The following ADD2 variants were observed in gnomAD, a reference collection of about 807,000 sequenced individuals.
ADD2 encodes adducin 2, also known as beta-adducin.
ADD2 carries 23 observed loss-of-function variants against 83.0 expected under a neutral mutation model. That is an observed-to-expected ratio of 0.28 (90% CI 0.20 to 0.39). The LOEUF is 0.39. Ranked by LOEUF, ADD2 falls within the 10% of genes least tolerant of loss-of-function variation. The pLI, the probability that ADD2 is intolerant of heterozygous loss-of-function variation, is 1.00. For synonymous variants in ADD2, 375 were observed against 375.4 expected, an observed-to-expected ratio of 1.00 and a Z score of 0.01; for missense variants, 758 against 944.9, an observed-to-expected ratio of 0.80 and a Z score of 2.59.
chr2:70,712,704 T>C (rs987748389), intron 2 of ADD2, among the ~76,000 whole-genome samples: 2 of 152,096 alleles, frequency 1.3e-5, no homozygotes, highest in Non-Finnish European at 2.9e-5. Context: ...TACAGGCAGA[T>C]TGCAGCTGAG....
intron 8 of ADD2, among the ~76,000 whole-genome samples, chr2:70,690,507 T>C (rs1198395845): frequency 6.6e-6 from 1 of 152,230 alleles, no homozygotes; most frequent in African/African-American, 2.4e-5. Flanking sequence ...TTAAATTTAA[T>C]AATTAAAAAT....
At position 70,665,097 on chromosome 2, in the gene ADD2, C is replaced by T. The variant is rs556232091; in HGVS notation, c.1871-1362G>A. Among the ~76,000 whole-genome samples the T allele has an allele frequency of 2.6e-5, 4 of 152,108 alleles. No homozygotes were observed. In the South Asian group the frequency reaches 6.3e-4, roughly 24 times the overall value. ...CCCGGCATGCTGAGGTGTATGGAAT[C>T]GTGGGTGATGTGGAAGGTATAGTCA... On this transcript the variant is annotated intron_variant, in intron 15 of 15. Coordinates refer to ENST00000264436, the MANE Select transcript of ADD2 (RefSeq NM_001617.4).
Position 70,683,716 on chromosome 2 carries a change from G to C in ADD2, c.1000C>G (p.Gln334Glu). ...ACCTCATGGGGCCGGTGCTTCTCCT[G>C]CTCCAGGAGGATGAGGTTCTCCACT... Reference protein sequence around the residue: ...GGVENLILLEQEKHRPHEVGS... With the variant: ...GGVENLILLEEEKHRPHEVGS... Residue 334 changes from glutamine (Q) to glutamate (E), a missense_variant, in exon 10 of 16, where the codon CAG (glutamine) becomes GAG (glutamate). Coordinates refer to ENST00000264436, the MANE Select transcript of ADD2 (RefSeq NM_001617.4). 2 of 1,614,100 alleles carry C rather than the reference G, an allele frequency of 1.2e-6. No individual in the cohort carries two copies. Among genetic ancestry groups the C allele is most frequent in the Non-Finnish European group, 1.7e-6 (2 of 1,179,970 alleles).
chr2:70,767,787 G>A, intron 1 of ADD2, 99 bp downstream of exon 1: 1 of 1,500,068 alleles, frequency 6.7e-7, no homozygotes, highest in East Asian at 2.5e-5. Context: ...GCCCCACCTG[G>A]GCCAAGCGGC....
chr2:70,683,250 A>G (rs1670548432), intron 10 of ADD2, among the ~76,000 whole-genome samples: 1 of 151,968 alleles, frequency 6.6e-6, no homozygotes, highest in Non-Finnish European at 1.5e-5. Flanking sequence ...GATGGTCTCA[A>G]TCTCCTGACC....
In ADD2 at chr2:70,706,504, T is replaced by C. The variant is rs2287096; in HGVS notation, c.-34-62A>G. The C allele has an allele frequency of 0.3, 425,253 of 1,429,518 alleles. 68,536 individuals carry two copies. The highest frequency in any genetic ancestry group is 0.64 in the African/African-American group (44,956 of 70,524). 88.6% of individuals were successfully genotyped at this position (1,429,518 alleles called of 1,614,324 possible). A position where few individuals can be genotyped will look rare whatever the true frequency, so the allele number is the denominator to read the frequency against. ...TGCTCCCCATCGGGGTACACGTTTC[T>C]CAGAGCACAGGGCTAGGTTCAGTTG... On this transcript the variant is annotated intron_variant, in intron 2 of 15. Coordinates refer to ENST00000264436, the MANE Select transcript of ADD2 (RefSeq NM_001617.4). The surrounding 1 kb of genome is among the most constrained non-coding windows in gnomAD (Gnocchi z 5.0).
intron 1 of ADD2, among the ~76,000 whole-genome samples, chr2:70,715,485 A>G (rs1553376190): frequency 1.3e-5 from 2 of 152,090 alleles, no homozygotes; most frequent in African/African-American, 4.8e-5. Flanking sequence ...GTGAAAACAG[A>G]TGCCTGACAC....
chr2:70,685,533 G>C (rs963965094), intron 9 of ADD2, among the ~76,000 whole-genome samples: 1 of 152,172 alleles, frequency 6.6e-6, no homozygotes, highest in Non-Finnish European at 1.5e-5. Flanking sequence ...GGCTGCCCAG[G>C]TTTGAATCCT....
In ADD2 at chr2:70,767,894, C is replaced by G. The variant is rs1480417837; in HGVS notation, c.-162G>C. 1 of 1,535,742 alleles carries G rather than the reference C, an allele frequency of 6.5e-7. No individual in the cohort carries two copies. The highest frequency in any genetic ancestry group is 1.4e-5 in the African/African-American group (1 of 73,016). On this transcript the variant is annotated 5_prime_UTR_variant, in exon 1 of 16. Coordinates refer to ENST00000264436, the MANE Select transcript of ADD2 (RefSeq NM_001617.4). ...GCTCCCCAGACCCTTACCTCCTGCG[C>G]GGCATCTTAGCTATCTCCGGTCGGC...
At chr2:70,725,692 C>G (rs1356819631) in intron 1 of ADD2, among the ~76,000 whole-genome samples, 1 of 152,080 alleles carries the variant, frequency 6.6e-6, no homozygotes, top group Non-Finnish European at 1.5e-5. Flanking sequence ...GCATTCTCCC[C>G]TAGAACTTCT....
Position 70,686,490 on chromosome 2 carries a change from T to C in ADD2, c.948+1534A>G, listed in dbSNP as rs191187072. On this transcript the variant is annotated intron_variant, in intron 9 of 15. Coordinates refer to ENST00000264436, the MANE Select transcript of ADD2 (RefSeq NM_001617.4). ...GGGGTTCTGGATCCTGGGAGAGGCA[T>C]ACTTCACCATGTGGGGTGGTGCGAC... 4.8e-3 allele frequency among the ~76,000 whole-genome samples: 737 copies of C among 152,268 alleles called. 8 individuals are homozygous for C. Among genetic ancestry groups the C allele is most frequent in the African/African-American group, 0.017 (706 of 41,544 alleles).
At chr2:70,663,819 G>A (rs1675639197) in intron 15 of ADD2, 84 bp from the exon 16 acceptor site, 2 of 1,403,714 alleles carry the variant, frequency 1.4e-6, no homozygotes, top group Admixed American at 2.3e-5. Flanking sequence ...CATTTCTAGG[G>A]AATTCTATAA....
At chr2:70,701,549 G>A (rs1290828294) in intron 4 of ADD2, among the ~76,000 whole-genome samples, 1 of 152,136 alleles carries the variant, frequency 6.6e-6, no homozygotes, top group East Asian at 1.9e-4. Context: ...ATGGGTAAAT[G>A]TTGAAATGAA....
intron 1 of ADD2, among the ~76,000 whole-genome samples, chr2:70,736,965 C>T (rs1204002748): frequency 6.6e-6 from 1 of 151,984 alleles, no homozygotes; most frequent in African/African-American, 2.4e-5. Context: ...CCAACAGACA[C>T]ATGAAAAAAT....
intron 1 of ADD2, among the ~76,000 whole-genome samples, chr2:70,721,702 T>C (rs1490645446): frequency 6.6e-6 from 1 of 152,234 alleles, no homozygotes; most frequent in Admixed American, 6.5e-5. Context: ...CTCCAGGCAA[T>C]TTCTGTACTA....
Position 70,767,920 on chromosome 2 carries a change from C to A in ADD2, c.-188G>T. The A allele has an allele frequency of 6.5e-7, 1 of 1,535,998 alleles. No homozygotes were observed. Among genetic ancestry groups the A allele is most frequent in the Non-Finnish European group, 8.7e-7 (1 of 1,146,828 alleles). On this transcript the variant is annotated 5_prime_UTR_variant, in exon 1 of 16. Transcript: ENST00000264436. ...GGCATCTTAGCTATCTCCGGTCGGC[C>A]ACTGCGGGTTGGTTTTGTTATTTTA... is the stretch of plus-strand genomic sequence containing the variant.
chr2:70,707,546 C>T (rs1194814758), intron 2 of ADD2, among the ~76,000 whole-genome samples: 1 of 28,942 alleles, frequency 3.5e-5, no homozygotes, highest in Non-Finnish European at 6.2e-5. Context: ...CTTCACTTCC[C>T]GGCAGTGGGA....
chr2:70,691,543 C>G (rs1671034624), intron 7 of ADD2: 2 of 152,170 alleles, frequency 1.3e-5, no homozygotes, highest in African/African-American at 2.4e-5. Context: ...TCCCCCACCA[C>G]TTATTAAAAG....
chr2:70,694,574 G>A (rs532433317), intron 6 of ADD2, among the ~76,000 whole-genome samples: 1 of 152,216 alleles, frequency 6.6e-6, no homozygotes, highest in Admixed American at 6.5e-5. Flanking sequence ...ACAGGGCTCT[G>A]GTATGCATCT....
Sources: allele counts gnomAD v4.1 joint callset (sites outside exome capture counted in the v4.1 genomes callset), GRCh38; gene constraint gnomAD v4.1.1; non-coding constraint Gnocchi (gnomAD v3.1); transcripts MANE v1.5; gene names NCBI Gene and HGNC (gene_info 2026-07-23, HGNC 2026-07-21).